Variants in MS4A4E observed in about 807,000 individuals in gnomAD.
The protein encoded by MS4A4E is membrane spanning 4-domains A4E, also known as putative membrane-spanning 4-domains subfamily A member 4E.
Under a neutral mutation model 13.3 loss-of-function variants are expected in MS4A4E, and 23 were observed. The ratio of observed to expected loss-of-function variants is 1.73; its 90% CI spans 1.25 to 2.45. The LOEUF is 2.45. Ranked by LOEUF, MS4A4E falls within the 30% of genes most tolerant of loss-of-function variation. The probability of loss-of-function intolerance (pLI) is 0.00; values close to 1 mark genes in which losing one functional copy is unlikely to be tolerated. For missense variants in MS4A4E, 144 were observed against 131.2 expected, an observed-to-expected ratio of 1.10 and a Z score of -0.48; for synonymous variants, 36 against 45.6, an observed-to-expected ratio of 0.79 and a Z score of 0.85.
intron 1 of MS4A4E, among the ~76,000 whole-genome samples, chr11:60,236,870 G>A (rs551468654): frequency 8.2e-4 from 125 of 152,018 alleles, no homozygotes; most frequent in African/African-American, 2.9e-3. Context: ...CCGAATACCT[G>A]GGACTACAGG....
intron 1 of MS4A4E, among the ~76,000 whole-genome samples, chr11:60,233,711 T>C (rs935385236): frequency 1.3e-5 from 2 of 152,180 alleles, no homozygotes; most frequent in East Asian, 1.9e-4. Context: ...CATATAGCTA[T>C]GGGAGTGGAG....
rs1381407467 is a variant in MS4A4E, at chr11:60,201,471, C to T, written c.*72G>A. 13 of 230,036 alleles carry T rather than the reference C, an allele frequency of 5.7e-5. No individual in the cohort carries two copies. The highest frequency in any genetic ancestry group is 1.6e-3 in the Middle Eastern group (1 of 612). 14.2% of individuals were successfully genotyped at this position (230,036 alleles called of 1,614,324 possible). ...GCAGAGACGCTCCTCACCTCCCAGA[C>T]GGGGTCGCGGCCGGGCAGAGGTGCT... On this transcript the variant is annotated 3_prime_UTR_variant, in exon 9 of 9. Coordinates refer to ENST00000651255, the MANE Select transcript of MS4A4E (RefSeq NM_001393391.1).
chr11:60,233,043 C>T (rs965155282), intron 1 of MS4A4E, among the ~76,000 whole-genome samples: 2 of 152,096 alleles, frequency 1.3e-5, no homozygotes, highest in African/African-American at 2.4e-5. Context: ...CCCACCTCCC[C>T]GGAACTGACC....
At chr11:60,241,114 C>T (rs1374767525) in intron 1 of MS4A4E, among the ~76,000 whole-genome samples, 2 of 152,180 alleles carry the variant, frequency 1.3e-5, no homozygotes, top group Admixed American at 6.5e-5. Context: ...AGCTCCGCCT[C>T]CCGGGTTCAC....
chr11:60,228,469 C>T (rs1253947013), intron 3 of MS4A4E, 125 bp downstream of exon 3: 5 of 542,030 alleles, frequency 9.2e-6, no homozygotes, highest in Non-Finnish European at 1.6e-5. Context: ...TTATGTAGAA[C>T]AGCAGGAACT....
chr11:60,224,141 G>A (rs927709245), intron 3 of MS4A4E, among the ~76,000 whole-genome samples: 1 of 152,020 alleles, frequency 6.6e-6, no homozygotes, highest in Non-Finnish European at 1.5e-5. Flanking sequence ...TTGTCAATAG[G>A]TAAGACTTGG....
intron 1 of MS4A4E, among the ~76,000 whole-genome samples, chr11:60,235,997 T>C (rs2084478071): frequency 6.6e-6 from 1 of 152,232 alleles, no homozygotes; most frequent in Non-Finnish European, 1.5e-5. Flanking sequence ...TCTGAAGTTG[T>C]TCAAACATGA....
chr11:60,225,887 A>G (rs2084334887), intron 3 of MS4A4E, among the ~76,000 whole-genome samples: 1 of 151,974 alleles, frequency 6.6e-6, no homozygotes, highest in African/African-American at 2.4e-5. Flanking sequence ...AAAAAGAAAA[A>G]TACATAAATA....
intron 2 of MS4A4E, among the ~76,000 whole-genome samples, chr11:60,229,590 G>A (rs1411964466): frequency 1.3e-5 from 2 of 152,188 alleles, no homozygotes; most frequent in African/African-American, 2.4e-5. Context: ...AGGAAGGCCT[G>A]TGGAGGGGGA....
chr11:60,225,104 T>C (rs749972218), intron 3 of MS4A4E: 4 of 1,514,926 alleles, frequency 2.6e-6, no homozygotes, highest in Non-Finnish European at 1.8e-6. Context: ...CTAGAAATGA[T>C]GAAAGCAAAA....
chr11:60,212,714 G>A (rs2084139694), intron 5 of MS4A4E, among the ~76,000 whole-genome samples: 2 of 152,210 alleles, frequency 1.3e-5, no homozygotes, highest in Middle Eastern at 6.8e-3. Context: ...AAAATGCCCA[G>A]CCCAGTAACT....
intron 3 of MS4A4E, 34 bp from the exon 4 acceptor site, chr11:60,214,648 T>C: frequency 7.0e-7 from 1 of 1,425,774 alleles, no homozygotes. Flanking sequence ...GAGAAAAAAA[T>C]GGAGATAAAA....
chr11:60,238,641 G>A (rs2084512895), intron 1 of MS4A4E, among the ~76,000 whole-genome samples: 1 of 152,054 alleles, frequency 6.6e-6, no homozygotes, highest in South Asian at 2.1e-4. Context: ...TTACTCTAAT[G>A]TGTTTCTACT....
At chr11:60,215,692 TG>T (rs996355251) in intron 3 of MS4A4E, among the ~76,000 whole-genome samples, 50 of 151,984 alleles carry the variant, frequency 3.3e-4, no homozygotes, top group African/African-American at 1.1e-3. Context: ...TATTACTATT[TG>T]GGGTATATTA....
At chr11:60,229,153 C>A (rs1327701101) in intron 2 of MS4A4E, among the ~76,000 whole-genome samples, 1 of 152,162 alleles carries the variant, frequency 6.6e-6, no homozygotes, top group Non-Finnish European at 1.5e-5. Flanking sequence ...ATGGGATATA[C>A]CTGTACTTTG....
At position 60,200,624 on chromosome 11, in the gene MS4A4E, C is replaced by A. The variant is rs1049004468; in HGVS notation, c.*919G>T. Among the ~76,000 whole-genome samples, 10 of 152,288 alleles carry A rather than the reference C, an allele frequency of 6.6e-5. No homozygotes were observed. The highest frequency in any genetic ancestry group is 2.4e-4 in the African/African-American group (10 of 41,568). On this transcript the variant is annotated 3_prime_UTR_variant, in exon 9 of 9. Transcript: ENST00000651255. ...GGTTGGGGGTAAGGTCACAGATCAA[C>A]AGGATCCCAAGGCAGAAGAATTTTT...
chr11:60,239,334 C>T (rs921418968), intron 1 of MS4A4E, among the ~76,000 whole-genome samples: 2 of 152,126 alleles, frequency 1.3e-5, no homozygotes, highest in Non-Finnish European at 2.9e-5. Context: ...TACCTATTGA[C>T]TATTATTATT....
At chr11:60,223,158 T>A (rs2084294481) in intron 3 of MS4A4E, among the ~76,000 whole-genome samples, 1 of 152,202 alleles carries the variant, frequency 6.6e-6, no homozygotes, top group Admixed American at 6.5e-5. Flanking sequence ...TGTGATCAGT[T>A]GCAGAAATGA....
At chr11:60,222,091 T>C (rs930649004) in intron 3 of MS4A4E, among the ~76,000 whole-genome samples, 1 of 152,192 alleles carries the variant, frequency 6.6e-6, no homozygotes, top group African/African-American at 2.4e-5. Context: ...GCCCTCAATA[T>C]AGCACCATTC....
Sources: allele counts gnomAD v4.1 joint callset (sites outside exome capture counted in the v4.1 genomes callset), GRCh38; gene constraint gnomAD v4.1.1; transcripts MANE v1.5; gene names NCBI Gene and HGNC (gene_info 2026-07-23, HGNC 2026-07-21).